The following NUP210L variants were observed in gnomAD, a reference collection of about 807,000 sequenced individuals.
NUP210L encodes nuclear pore membrane glycoprotein 210-like.
NUP210L carries 74 observed loss-of-function variants against 208.5 expected under a neutral mutation model. That is an observed-to-expected ratio of 0.35 (90% CI 0.29 to 0.43). The LOEUF is 0.43. Among genes scored for constraint, NUP210L ranks in the 20% least tolerant of loss-of-function variants. The pLI, the probability that NUP210L is intolerant of heterozygous loss-of-function variation, is 1.00. For synonymous variants in NUP210L, 780 were observed against 816.9 expected, an observed-to-expected ratio of 0.95 and a Z score of 0.77; for missense variants, 1,843 against 2,289.4, an observed-to-expected ratio of 0.81 and a Z score of 3.98.
At chr1:154,077,811 C>T (rs1160813801) in intron 16 of NUP210L, among the ~76,000 whole-genome samples, 1 of 151,714 alleles carries the variant, frequency 6.6e-6, no homozygotes, top group South Asian at 2.1e-4. Context: ...ATGGTAAAAC[C>T]CTGTCTCTAC....
intron 16 of NUP210L, among the ~76,000 whole-genome samples, chr1:154,073,838 AAATAAAT>A (rs1654898241): frequency 6.6e-6 from 1 of 150,772 alleles, no homozygotes; most frequent in Non-Finnish European, 1.5e-5. Context: ...ATAAATAAAT[AAATAAAT>A]AAATAAATAA....
chr1:154,038,121 G>A (rs1382104769), intron 27 of NUP210L, among the ~76,000 whole-genome samples: 1 of 151,386 alleles, frequency 6.6e-6, no homozygotes, highest in African/African-American at 2.4e-5. Flanking sequence ...TTTTATTTTT[G>A]TTTATCTGTT....
rs1336648289 is a variant in NUP210L at position 154,030,152 on chromosome 1, A to G, written c.3697-98T>C. The G allele has an allele frequency of 5.8e-6, 5 of 862,398 alleles. 1 individual carries two copies. In the East Asian group the frequency reaches 1.2e-4, roughly 21 times the overall value. 53.4% of individuals were successfully genotyped at this position (862,398 alleles called of 1,614,324 possible). A position where few individuals can be genotyped will look rare whatever the true frequency, so the allele number is the denominator to read the frequency against. ...TTAATATTAAATTTTTTTTTAAATT[A>G]AAAATAAAAAGTCAGGAAAGGGTGG... On this transcript the variant is annotated intron_variant, in intron 27 of 39. Coordinates refer to ENST00000368559, the Ensembl canonical transcript of NUP210L.
At chr1:154,120,149 G>A (rs1210418114) in intron 10 of NUP210L, among the ~76,000 whole-genome samples, 1 of 152,198 alleles carries the variant, frequency 6.6e-6, no homozygotes, top group Admixed American at 6.5e-5. Flanking sequence ...GGCCAGTGAT[G>A]AGGAGCATTT....
At chr1:154,145,142 G>C (rs554614079) in intron 2 of NUP210L, among the ~76,000 whole-genome samples, 7 of 151,144 alleles carry the variant, frequency 4.6e-5, no homozygotes, top group African/African-American at 1.7e-4. Context: ...CATTGGCTGG[G>C]CGTGATGGCT....
At chr1:154,134,798 C>T (rs1286257974) in intron 7 of NUP210L, among the ~76,000 whole-genome samples, 1 of 143,684 alleles carries the variant, frequency 7.0e-6, no homozygotes, top group African/African-American at 2.5e-5. Flanking sequence ...TGCAGTGGTG[C>T]GATCTTGGCT....
intron 15 of NUP210L, among the ~76,000 whole-genome samples, chr1:154,089,805 T>A (rs974177042): frequency 3.3e-5 from 5 of 151,980 alleles, no homozygotes; most frequent in African/African-American, 1.2e-4. Context: ...AACTGGAACA[T>A]TAAAAAAATC....
rs11318139 is a variant in NUP210L at position 154,138,257 on chromosome 1, GAAA to G, written c.718-22_718-20del. On this transcript the variant is annotated intron_variant, in intron 5 of 39. Transcript: ENST00000368559. ...CCACTTTCTAAAAGAGGGAGGGAAG[GAAA>G]AAAAAAAACAGTTTCCATGGACGGA... The G allele has an allele frequency of 7.5e-7, 1 of 1,327,018 alleles. No individual in the cohort carries two copies. The highest frequency in any genetic ancestry group is 1.0e-6 in the Non-Finnish European group (1 of 1,001,558). The allele number at this position is 1,327,018 out of a possible 1,614,324, so 82.2% of individuals were successfully genotyped here. A position where few individuals can be genotyped will look rare whatever the true frequency, so the allele number is the denominator to read the frequency against.
exon 30 of NUP210L, chr1:154,025,631 T>C (rs1357867277): frequency 6.2e-7 from 1 of 1,613,874 alleles, no homozygotes; most frequent in Non-Finnish European, 8.5e-7. Context: ...GAACCAGCTT[T>C]CAGGAGCCCT....
At chr1:154,139,507 T>G (rs1658721149) in intron 5 of NUP210L, among the ~76,000 whole-genome samples, 1 of 152,008 alleles carries the variant, frequency 6.6e-6, no homozygotes, top group Non-Finnish European at 1.5e-5. Context: ...AAACTATATT[T>G]TCCATAGGCA....
At chr1:154,094,884 G>T in intron 15 of NUP210L, 51 bp downstream of exon 15, 1 of 1,352,508 alleles carries the variant, frequency 7.4e-7, no homozygotes, top group Non-Finnish European at 1.1e-6. Flanking sequence ...GAAGTACAAA[G>T]GATTTGGAGT....
chr1:154,014,418 C>CA (rs1256474320), intron 33 of NUP210L, among the ~76,000 whole-genome samples: 1 of 152,118 alleles, frequency 6.6e-6, no homozygotes, highest in Non-Finnish European at 1.5e-5. Context: ...AATCCCTTCT[C>CA]AGTCTCTTTT....
chr1:154,081,871 TC>T (rs1224719115), intron 16 of NUP210L, among the ~76,000 whole-genome samples: 3 of 151,818 alleles, frequency 2.0e-5, no homozygotes, highest in Admixed American at 2.0e-4. Flanking sequence ...TGGTCCCAGC[TC>T]CTCTAGAGGC....
At chr1:154,011,106 A>G (rs983879268) in intron 34 of NUP210L, among the ~76,000 whole-genome samples, 1 of 152,148 alleles carries the variant, frequency 6.6e-6, no homozygotes, top group Non-Finnish European at 1.5e-5. Flanking sequence ...CATTCTTGAA[A>G]AATCTTCAGC....
At chr1:154,125,552 G>T (rs981160514) in intron 10 of NUP210L, among the ~76,000 whole-genome samples, 1 of 149,082 alleles carries the variant, frequency 6.7e-6, no homozygotes, top group Non-Finnish European at 1.5e-5. Context: ...AGCCTGGGAG[G>T]TCCAGGCTGC....
Position 154,109,961 on chromosome 1 carries a change from C to T in NUP210L, c.1621-5751G>A, listed in dbSNP as rs149617262. ...ACATCAAAAAAGTAGAGGCCAGGTG[C>T]GGTGGCTCACACCTGTAATCCCTGC... is the stretch of plus-strand genomic sequence containing the variant. On this transcript the variant is annotated intron_variant, in intron 12 of 39. Coordinates refer to ENST00000368559, the Ensembl canonical transcript of NUP210L. 2.2e-3 allele frequency among the ~76,000 whole-genome samples: 328 copies of T among 151,404 alleles called. 17 individuals carry two copies. The highest frequency in any genetic ancestry group is 7.5e-3 in the African/African-American group (307 of 40,856).
intron 2 of NUP210L, among the ~76,000 whole-genome samples, chr1:154,152,463 C>T (rs929566773): frequency 4.7e-5 from 7 of 148,782 alleles, no homozygotes; most frequent in African/African-American, 1.2e-4. Context: ...CGCGAGCCAC[C>T]GCCCCCAGCC....
In NUP210L at chr1:154,097,340, G is replaced by A. The variant is rs182467458; in HGVS notation, c.1966-2184C>T. Among the ~76,000 whole-genome samples the A allele has an allele frequency of 1.4e-4, 21 of 152,134 alleles. No individual in the cohort carries two copies. In the East Asian group the frequency reaches 3.1e-3, roughly 22 times the overall value. On this transcript the variant is annotated intron_variant, in intron 14 of 39. Transcript: ENST00000368559. ...TTTCATCAGGCAAGGGGAAAGATAC[G>A]TGACTAACATACTAGGTAGAAAAAG...
chr1:154,066,682 G>C (rs1654436482), intron 17 of NUP210L, among the ~76,000 whole-genome samples: 1 of 152,106 alleles, frequency 6.6e-6, no homozygotes, highest in African/African-American at 2.4e-5. Context: ...CAACAAAATT[G>C]ATAGACTGCT....
Sources: allele counts gnomAD v4.1 joint callset (sites outside exome capture counted in the v4.1 genomes callset), GRCh38; gene constraint gnomAD v4.1.1; transcripts MANE v1.5; gene names NCBI Gene and HGNC (gene_info 2026-07-23, HGNC 2026-07-21).